The following CSRNP3 variants were observed in gnomAD, a reference collection of about 807,000 sequenced individuals.
The protein encoded by CSRNP3 is cysteine/serine-rich nuclear protein 3.
CSRNP3 carries 12 observed loss-of-function variants against 48.0 expected under a neutral mutation model. The observed-to-expected ratio is 0.25, with a 90% CI of 0.16 to 0.41. CSRNP3 has a LOEUF of 0.41. Ranked by LOEUF, CSRNP3 falls within the 10% of genes least tolerant of loss-of-function variation. The pLI, the probability that CSRNP3 is intolerant of heterozygous loss-of-function variation, is 1.00. For synonymous variants in CSRNP3, 263 were observed against 269.7 expected, an observed-to-expected ratio of 0.98 and a Z score of 0.24; for missense variants, 580 against 724.4, an observed-to-expected ratio of 0.80 and a Z score of 2.29.
rs574439528 is a variant in CSRNP3 at position 165,605,630 on chromosome 2, T to C, written c.148+10417T>C. 2.6e-5 allele frequency among the ~76,000 whole-genome samples: 4 copies of C among 152,258 alleles called. No homozygotes were observed. The East Asian group carries it at 7.7e-4, about 29-fold the overall frequency. Reference sequence around the variant, plus strand: ...CCACAATACATTTTAAAAATATAGATGCATATGATTGCCACTGTGCTACAG... The same window carrying C: ...CCACAATACATTTTAAAAATATAGACGCATATGATTGCCACTGTGCTACAG... On this transcript the variant is annotated intron_variant, in intron 4 of 6. Coordinates refer to ENST00000651982, the MANE Select transcript of CSRNP3 (RefSeq NM_001172173.2).
At chr2:165,598,499 C>T (rs963843505) in intron 4 of CSRNP3, among the ~76,000 whole-genome samples, 1 of 152,084 alleles carries the variant, frequency 6.6e-6, no homozygotes, top group Non-Finnish European at 1.5e-5. Context: ...ACTTAAACTG[C>T]TAAAAATTAT....
At chr2:165,584,205 T>A (rs1455456383) in intron 3 of CSRNP3, among the ~76,000 whole-genome samples, 2 of 152,198 alleles carry the variant, frequency 1.3e-5, no homozygotes, top group Non-Finnish European at 2.9e-5. Flanking sequence ...TCTGAGTCTA[T>A]TTAGTAAACA....
At chr2:165,649,827 C>T (rs970233812) in intron 4 of CSRNP3, among the ~76,000 whole-genome samples, 2 of 152,142 alleles carry the variant, frequency 1.3e-5, no homozygotes, top group African/African-American at 4.8e-5. Flanking sequence ...TACTTTTTTA[C>T]ATTTACTGCC....
At chr2:165,583,301 C>G (rs966257724) in intron 3 of CSRNP3, among the ~76,000 whole-genome samples, 2 of 152,026 alleles carry the variant, frequency 1.3e-5, no homozygotes, top group Non-Finnish European at 2.9e-5. Context: ...GCACTTTTTG[C>G]TTACTCAGGG....
intron 3 of CSRNP3, among the ~76,000 whole-genome samples, chr2:165,520,953 A>G (rs904956143): frequency 5.3e-5 from 8 of 150,742 alleles, no homozygotes; most frequent in African/African-American, 1.9e-4. Flanking sequence ...CCTCCCAAGT[A>G]GCTGAGACTA....
intron 5 of CSRNP3, among the ~76,000 whole-genome samples, chr2:165,660,551 G>A (rs1687079247): frequency 1.3e-5 from 2 of 152,122 alleles, no homozygotes; most frequent in Admixed American, 6.5e-5. Context: ...AAGATTTATT[G>A]TGGTGAACTC....
At chr2:165,524,848 A>G (rs180834093) in intron 3 of CSRNP3, among the ~76,000 whole-genome samples, 1 of 152,342 alleles carries the variant, frequency 6.6e-6, no homozygotes, top group Non-Finnish European at 1.5e-5. Context: ...ACTTAAAGAT[A>G]TTTAGGTTGT....
intron 3 of CSRNP3, among the ~76,000 whole-genome samples, chr2:165,573,152 T>C (rs1307425689): frequency 6.6e-6 from 1 of 152,098 alleles, no homozygotes; most frequent in Non-Finnish European, 1.5e-5. Context: ...CACATATCTG[T>C]ATTTATTTGT....
At chr2:165,480,260 C>T (rs889413859) in intron 1 of CSRNP3, among the ~76,000 whole-genome samples, 1 of 152,174 alleles carries the variant, frequency 6.6e-6, no homozygotes, top group South Asian at 2.1e-4. Flanking sequence ...CAAGCCCACC[C>T]GCATAATCTC....
intron 3 of CSRNP3, among the ~76,000 whole-genome samples, chr2:165,528,014 A>G (rs1437919277): frequency 2.6e-5 from 4 of 152,130 alleles, no homozygotes; most frequent in African/African-American, 9.7e-5. Flanking sequence ...GCTAATAAAT[A>G]ATAAAAACTT....
chr2:165,536,844 T>G (rs561442782), intron 3 of CSRNP3, among the ~76,000 whole-genome samples: 2 of 151,982 alleles, frequency 1.3e-5, no homozygotes, highest in South Asian at 4.2e-4. Context: ...GATTTTAAAT[T>G]GTGTTTTCAA....
At chr2:165,549,595 A>G (rs934277328) in intron 3 of CSRNP3, among the ~76,000 whole-genome samples, 4 of 152,054 alleles carry the variant, frequency 2.6e-5, no homozygotes, top group Non-Finnish European at 5.9e-5. Flanking sequence ...ATTTTTATCT[A>G]TGTCATTTAA....
At chr2:165,574,809 T>G (rs1685422602) in intron 3 of CSRNP3, among the ~76,000 whole-genome samples, 1 of 152,192 alleles carries the variant, frequency 6.6e-6, no homozygotes, top group Non-Finnish European at 1.5e-5. Context: ...TAGCCTAAGA[T>G]TATTGTGATG....
chr2:165,522,673 C>T (rs1250937849), intron 3 of CSRNP3, among the ~76,000 whole-genome samples: 1 of 151,700 alleles, frequency 6.6e-6, no homozygotes, highest in East Asian at 2.0e-4. Context: ...ATGTAATAAA[C>T]TCTTTTCCTT....
At chr2:165,567,279 T>A (rs992055269) in intron 3 of CSRNP3, among the ~76,000 whole-genome samples, 1 of 152,112 alleles carries the variant, frequency 6.6e-6, no homozygotes. Context: ...ATCTTTTGTG[T>A]TCTCTGAGAG....
chr2:165,529,136 CA>C (rs2105242135), intron 3 of CSRNP3, among the ~76,000 whole-genome samples: 1 of 152,298 alleles, frequency 6.6e-6, no homozygotes, highest in Non-Finnish European at 1.5e-5. Flanking sequence ...AAACTAAAAT[CA>C]GAATGAGATA....
chr2:165,480,127 T>C (rs1684020319), intron 1 of CSRNP3, among the ~76,000 whole-genome samples: 1 of 152,148 alleles, frequency 6.6e-6, no homozygotes. Context: ...GCTGCACACA[T>C]GTGCTGTCAT....
chr2:165,552,022 T>C (rs1172039912), intron 3 of CSRNP3, among the ~76,000 whole-genome samples: 2 of 152,236 alleles, frequency 1.3e-5, no homozygotes, highest in Non-Finnish European at 1.5e-5. Flanking sequence ...GCTATATTCC[T>C]TGCTTAAGAA....
chr2:165,665,055 T>C (rs899083179), intron 5 of CSRNP3, among the ~76,000 whole-genome samples: 9 of 152,208 alleles, frequency 5.9e-5, no homozygotes, highest in Non-Finnish European at 1.0e-4. Flanking sequence ...CATCTGTAGA[T>C]GTGATAAGCT....
Sources: allele counts gnomAD v4.1 joint callset (sites outside exome capture counted in the v4.1 genomes callset), GRCh38; gene constraint gnomAD v4.1.1; transcripts MANE v1.5; gene names NCBI Gene and HGNC (gene_info 2026-07-23, HGNC 2026-07-21).